Variants in BEND6 observed in about 807,000 individuals in gnomAD.
BEND6 encodes the protein BEN domain containing 6, also known as BEN domain-containing protein 6.
BEND6 carries 24 observed loss-of-function variants against 31.8 expected under a neutral mutation model. That is an observed-to-expected ratio of 0.75 (90% confidence interval 0.55 to 1.06). The LOEUF is 1.06. Among genes scored for constraint, BEND6 ranks in the 50% least tolerant of loss-of-function variants. The pLI is 0.00. For synonymous variants in BEND6, 109 were observed against 114.6 expected (o/e 0.95, Z 0.31); for missense variants, 294 against 327.4 (o/e 0.90, Z 0.79).
At chr6:57,023,615 A>C (rs912432710) in intron 6 of BEND6, among the ~76,000 whole-genome samples, 15 of 152,102 alleles carry the variant, frequency 9.9e-5, no homozygotes, top group African/African-American at 3.6e-4. Flanking sequence ...ATTTACATTC[A>C]ATGTTACTAT....
chr6:56,992,346 G>T (rs764274847), intron 2 of BEND6, 32 bp from the exon 3 acceptor site: 2 of 1,565,076 alleles, frequency 1.3e-6, no homozygotes, highest in Non-Finnish European at 1.7e-6. Flanking sequence ...ATGCTATGAG[G>T]CTTCTTTTAT....
intron 1 of BEND6, among the ~76,000 whole-genome samples, chr6:56,963,258 CT>C (rs1825349329): frequency 6.6e-6 from 1 of 152,212 alleles, no homozygotes; most frequent in Admixed American, 6.5e-5. Context: ...TAGGCTACCC[CT>C]ACCCAGATTA....
chr6:56,988,644 A>G (rs182071166), intron 2 of BEND6, among the ~76,000 whole-genome samples: 1 of 152,240 alleles, frequency 6.6e-6, no homozygotes, highest in East Asian at 1.9e-4. Context: ...TAAAACTCAT[A>G]ACTTCCTATA....
intron 2 of BEND6, among the ~76,000 whole-genome samples, chr6:56,991,849 G>A (rs1052382031): frequency 1.3e-5 from 2 of 152,022 alleles, no homozygotes; most frequent in Non-Finnish European, 2.9e-5. Context: ...CCCTCCACAG[G>A]TACTTCTTGT....
In BEND6 at chr6:56,992,523, G is replaced by A. The variant is rs1826544778; in HGVS notation, c.266G>A (p.Ser89Asn). The A allele has an allele frequency of 6.2e-7, 1 of 1,613,668 alleles. No homozygotes were observed. The highest frequency in any genetic ancestry group is 8.5e-7 in the Non-Finnish European group (1 of 1,179,950). Residue 89 changes from serine to asparagine, a missense_variant, in exon 3 of 7, where the codon AGC becomes AAC. By Grantham distance (46) the Ser-to-Asn change is conservative. Coordinates refer to ENST00000370746, the MANE Select transcript of BEND6 (RefSeq NM_152731.3). The stretch of plus-strand genomic sequence containing the variant: ...CTAACAAACACCCGGAAAGAAAACA[G>A]CCGACTTCGACAGTCTTTGGTCATG... Reference protein sequence around the residue: ...EKLTNTRKENSRLRQSLVMLQ... With the variant: ...EKLTNTRKENNRLRQSLVMLQ...
intron 3 of BEND6, chr6:57,010,741 T>C (rs1827315992): frequency 2.3e-6 from 2 of 884,820 alleles, no homozygotes; most frequent in East Asian, 1.2e-4. Context: ...ATTTAAATTC[T>C]ACAAAATTGT....
At chr6:56,992,886 G>A (rs988691501) in intron 3 of BEND6, among the ~76,000 whole-genome samples, 1 of 150,322 alleles carries the variant, frequency 6.7e-6, no homozygotes, top group Non-Finnish European at 1.5e-5. Flanking sequence ...TTAAGACAGA[G>A]CAAATATGAT....
At chr6:57,007,523 TAAAC>T (rs1348120055) in intron 3 of BEND6, among the ~76,000 whole-genome samples, 5 of 151,846 alleles carry the variant, frequency 3.3e-5, no homozygotes, top group Middle Eastern at 3.4e-3. Flanking sequence ...AAAGCAAAAA[TAAAC>T]AAACAATCTG....
intron 6 of BEND6, among the ~76,000 whole-genome samples, chr6:57,024,269 AT>A (rs1324204991): frequency 6.6e-6 from 1 of 152,158 alleles, no homozygotes; most frequent in African/African-American, 2.4e-5. Flanking sequence ...GTTTTAGATA[AT>A]TTTAGGTTTG....
intron 2 of BEND6, among the ~76,000 whole-genome samples, chr6:56,990,939 G>A (rs1408215366): frequency 1.3e-5 from 2 of 152,032 alleles, no homozygotes; most frequent in Non-Finnish European, 2.9e-5. Flanking sequence ...TATAAAGTGG[G>A]CATTTCATAT....
intron 3 of BEND6, among the ~76,000 whole-genome samples, chr6:57,007,417 A>G (rs1053665919): frequency 6.6e-6 from 1 of 152,156 alleles, no homozygotes; most frequent in South Asian, 2.1e-4. Flanking sequence ...TAAGACCCCA[A>G]ACAATGAAAC....
intron 3 of BEND6, among the ~76,000 whole-genome samples, chr6:57,011,987 T>C (rs1022666717): frequency 6.6e-6 from 1 of 151,880 alleles, no homozygotes; most frequent in Non-Finnish European, 1.5e-5. Flanking sequence ...TTAGCTGGCA[T>C]GGTAGTGCAC....
intron 3 of BEND6, among the ~76,000 whole-genome samples, chr6:57,004,259 C>A (rs531260947): frequency 6.0e-5 from 9 of 151,194 alleles, no homozygotes; most frequent in African/African-American, 2.2e-4. Flanking sequence ...CAATATGAGT[C>A]TATACTAGAA....
intron 3 of BEND6, among the ~76,000 whole-genome samples, chr6:57,002,296 G>A (rs796204792): frequency 6.6e-6 from 1 of 151,312 alleles, no homozygotes; most frequent in South Asian, 2.1e-4. Context: ...GACAACATTA[G>A]GCAGATCATC....
At position 57,017,419 on chromosome 6, in the gene BEND6, A is replaced by G. The variant is rs771490598; in HGVS notation, c.712+20A>G. ...TCATAGGTGATAATATGATTGCGTT[A>G]TATTGTCGTATGAATTTTAAATCAT... On this transcript the variant is annotated intron_variant, in intron 5 of 6. Coordinates refer to ENST00000370746, the MANE Select transcript of BEND6 (RefSeq NM_152731.3). 9.2e-6 allele frequency: 12 copies of G among 1,309,108 alleles called. No homozygotes were observed. The highest frequency in any genetic ancestry group is 9.9e-6 in the Non-Finnish European group (10 of 1,013,184). 81.1% of individuals were successfully genotyped at this position (1,309,108 alleles called of 1,614,324 possible).
intron 2 of BEND6, among the ~76,000 whole-genome samples, chr6:56,986,034 A>C (rs1351140555): frequency 1.3e-5 from 2 of 152,186 alleles, no homozygotes; most frequent in Non-Finnish European, 2.9e-5. Flanking sequence ...CATAGATACT[A>C]ATTACTACTA....
At chr6:56,986,441 A>AAAT (rs752563794) in intron 2 of BEND6, among the ~76,000 whole-genome samples, 1 of 151,932 alleles carries the variant, frequency 6.6e-6, no homozygotes, top group Non-Finnish European at 1.5e-5. Context: ...TGTTTCCAGA[A>AAAT]AATAATAATA....
intron 3 of BEND6, among the ~76,000 whole-genome samples, chr6:57,002,799 C>T (rs1328480708): frequency 1.3e-5 from 2 of 150,216 alleles, no homozygotes; most frequent in East Asian, 1.9e-4. Context: ...CCTAGAGAAA[C>T]TAGAAAATCA....
At chr6:56,961,717 C>G (rs1825293342) in intron 1 of BEND6, among the ~76,000 whole-genome samples, 1 of 152,136 alleles carries the variant, frequency 6.6e-6, no homozygotes. Context: ...TATTAGGTTC[C>G]CAGAAACAAC....
Sources: gnomAD v4.1 joint callset for allele counts (sites outside exome capture counted in the v4.1 genomes callset) on GRCh38, gnomAD v4.1.1 for gene constraint, MANE v1.5 for transcripts, NCBI Gene and HGNC (gene_info 2026-07-23, HGNC 2026-07-21) for gene names.